Variants in CUBN observed in about 807,000 individuals in gnomAD.
The protein encoded by CUBN is 460 kDa receptor.
A neutral mutation model predicts 405.3 loss-of-function variants in CUBN; 282 were observed. That is an observed-to-expected ratio of 0.70 (90% CI 0.63 to 0.77). The LOEUF (loss-of-function observed/expected upper bound fraction) is 0.77. Ranked by LOEUF, CUBN falls within the 30% of genes least tolerant of loss-of-function variation. The pLI is 0.00. For missense variants in CUBN, 4,514 were observed against 4,475.2 expected (o/e 1.01, Z -0.25); for synonymous variants, 1,684 against 1,617.0 (o/e 1.04, Z -0.99).
chr10:16,902,206 TTA>T (rs929111645), intron 51 of CUBN, among the ~76,000 whole-genome samples: 37 of 135,216 alleles, frequency 2.7e-4, no homozygotes, highest in African/African-American at 5.0e-4. Context: ...GTATATATAT[TTA>T]TATATATAGT....
In CUBN at chr10:16,869,732, T is replaced by C; in HGVS notation, c.9358A>G (p.Asn3120Asp). Reference protein sequence around the residue: ...GKFCGSKRPPNVKSSNNSMLL... With the variant: ...GKFCGSKRPPDVKSSNNSMLL... ...ATACTATTATTGCTGCTCTTCACAT[T>C]TGGTGGGCGCTTGGAACCGCAGAAT... Residue 3120 changes from asparagine to aspartate, a missense_variant, in exon 59 of 67, where the codon AAT becomes GAT. Transcript: ENST00000377833. The C allele has an allele frequency of 6.2e-7, 1 of 1,614,096 alleles. No individual in the cohort carries two copies. The highest frequency in any genetic ancestry group is 8.5e-7 in the Non-Finnish European group (1 of 1,179,988).
rs775791705 is a variant in CUBN, at chr10:16,831,450, C to T, written c.10363-33G>A. The T allele has an allele frequency of 4.5e-6, 7 of 1,567,558 alleles. No homozygotes were observed. The South Asian group carries it at 6.7e-5, about 15-fold the overall frequency. On this transcript the variant is annotated intron_variant, in intron 64 of 66. Coordinates refer to ENST00000377833, the MANE Select transcript of CUBN (RefSeq NM_001081.4). ...AAGGAGTCATTCATTATTAAACTTA[C>T]ACTTTCTTCTCTAAGGTATATACAT...
rs368630481 is a variant in CUBN, at chr10:17,104,478, G to T, written c.1358C>A (p.Ser453Tyr). 187 of 1,613,834 alleles carry T rather than the reference G, an allele frequency of 1.2e-4. No individual in the cohort carries two copies. The highest frequency in any genetic ancestry group is 1.4e-4 in the Non-Finnish European group (161 of 1,179,996). The change falls in exon 12 of 67, where the codon TCT becomes TAT. Residue 453 changes from serine (S) to tyrosine (Y), a missense_variant. Coordinates refer to ENST00000377833, the MANE Select transcript of CUBN (RefSeq NM_001081.4). ...NGGTCVDGVD[S>Y]FSCECTRLWT... is the part of the protein sequence containing the mutation. ...GAGACGTGTGCATTCACAACTGAAAGAATCAACGCCATCAACACAAGTTCC... is the reference window on the plus strand; with the variant it reads ...GAGACGTGTGCATTCACAACTGAAATAATCAACGCCATCAACACAAGTTCC...
intron 31 of CUBN, among the ~76,000 whole-genome samples, chr10:16,972,654 G>A (rs887344283): frequency 1.4e-4 from 22 of 151,740 alleles, no homozygotes; most frequent in South Asian, 4.2e-4. Context: ...TCAAACTCCT[G>A]AGCTCAAACA....
intron 13 of CUBN, 102 bp downstream of exon 13, chr10:17,103,023 T>G (rs548694057): frequency 1.3e-6 from 1 of 785,056 alleles, no homozygotes; most frequent in Admixed American, 2.0e-5. Flanking sequence ...TATATGATAG[T>G]TGAATTATCA....
At chr10:17,020,234 T>A (rs1361471892) in intron 27 of CUBN, among the ~76,000 whole-genome samples, 1 of 152,182 alleles carries the variant, frequency 6.6e-6, no homozygotes, top group African/African-American at 2.4e-5. Context: ...TGGTTTTATG[T>A]CAACCTAGCA....
At chr10:16,928,093 G>C (rs1385069699) in intron 41 of CUBN, 64 bp downstream of exon 41, 22 of 1,558,670 alleles carry the variant, frequency 1.4e-5, no homozygotes, top group Non-Finnish European at 1.9e-5. Context: ...TAGGAAGAGA[G>C]AAAGAGAGAG....
intron 30 of CUBN, 26 bp downstream of exon 30, chr10:16,984,079 T>A: frequency 6.2e-7 from 1 of 1,613,776 alleles, no homozygotes; most frequent in South Asian, 1.1e-5. Flanking sequence ...CTTAAGTACT[T>A]TAGGAAACCT....
chr10:16,900,238 A>G (rs991915619), intron 53 of CUBN, among the ~76,000 whole-genome samples: 41 of 152,118 alleles, frequency 2.7e-4, no homozygotes, highest in African/African-American at 9.9e-4. Flanking sequence ...GGCTCCAGAT[A>G]TTTTCAAGCA....
intron 59 of CUBN, among the ~76,000 whole-genome samples, chr10:16,868,957 G>A (rs1342292096): frequency 6.6e-6 from 1 of 152,082 alleles, no homozygotes. Flanking sequence ...CTCAATTCAT[G>A]TCCTCATTAA....
chr10:17,041,322 T>C (rs538618698), intron 26 of CUBN, 102 bp from the exon 27 acceptor site: 1 of 881,086 alleles, frequency 1.1e-6, no homozygotes, highest in South Asian at 1.4e-5. Context: ...CATCTGTGTA[T>C]GTACACACAC....
intron 31 of CUBN, among the ~76,000 whole-genome samples, chr10:16,971,186 A>C (rs1832921219): frequency 6.6e-6 from 1 of 152,230 alleles, no homozygotes; most frequent in Non-Finnish European, 1.5e-5. Flanking sequence ...CTGTCTAAGC[A>C]ACAGGACCAG....
intron 30 of CUBN, among the ~76,000 whole-genome samples, 161 bp from the exon 31 acceptor site, chr10:16,982,814 A>G (rs946047742): frequency 2.6e-5 from 4 of 152,226 alleles, no homozygotes; most frequent in Non-Finnish European, 4.4e-5. Flanking sequence ...ATTTATCCCA[A>G]CAGAATAAGA....
intron 26 of CUBN, among the ~76,000 whole-genome samples, chr10:17,041,592 G>A (rs532392761): frequency 5.3e-5 from 8 of 152,142 alleles, no homozygotes; most frequent in African/African-American, 1.4e-4. Context: ...TTAGAGAAGC[G>A]CATTCGACGT....
intron 56 of CUBN, among the ~76,000 whole-genome samples, chr10:16,888,052 T>C (rs1268191914): frequency 6.6e-6 from 1 of 152,132 alleles, no homozygotes; most frequent in Admixed American, 6.5e-5. Flanking sequence ...GAGAGTAGAA[T>C]GGTGGTTACC....
chr10:16,949,963 C>T, intron 34 of CUBN, 38 bp downstream of exon 34: 2 of 1,458,352 alleles, frequency 1.4e-6, no homozygotes, highest in Non-Finnish European at 1.9e-6. Flanking sequence ...TAAAGCACAG[C>T]CAAGACCACA....
Position 16,888,812 on chromosome 10 carries a change from C to G in CUBN, c.8756-246G>C, listed in dbSNP as rs2221886. On this transcript the variant is annotated intron_variant, in intron 55 of 66. Coordinates refer to ENST00000377833, the MANE Select transcript of CUBN (RefSeq NM_001081.4). The stretch of plus-strand genomic sequence containing the variant: ...ATGGACTGAGTCCTCGTAATATTAC[C>G]ACAAATCTACTGCAAATCCCTTAAT... Among the ~76,000 whole-genome samples, 8,229 of 151,986 alleles carry G rather than the reference C, an allele frequency of 0.054. 767 individuals carry two copies. The highest frequency in any genetic ancestry group is 0.32 in the East Asian group (1,654 of 5,168).
At chr10:16,921,672 T>C (rs1842037286) in intron 43 of CUBN, among the ~76,000 whole-genome samples, 2 of 152,238 alleles carry the variant, frequency 1.3e-5, no homozygotes, top group African/African-American at 2.4e-5. Context: ...CTCTGGCCCT[T>C]GGGCGCATCT....
chr10:17,103,887 T>C (rs1184076667), intron 12 of CUBN, among the ~76,000 whole-genome samples: 1 of 152,176 alleles, frequency 6.6e-6, no homozygotes, highest in Non-Finnish European at 1.5e-5. Context: ...CTCATGGTGG[T>C]ACATGGGGTC....
Sources: allele counts gnomAD v4.1 joint callset (sites outside exome capture counted in the v4.1 genomes callset), GRCh38; gene constraint gnomAD v4.1.1; transcripts MANE v1.5; gene names NCBI Gene and HGNC (gene_info 2026-07-23, HGNC 2026-07-21).